Variants in HCN1 observed in about 807,000 individuals in gnomAD.
HCN1 encodes potassium/sodium hyperpolarization-activated cyclic nucleotide-gated channel 1.
In HCN1, 13 loss-of-function variants were observed where a neutral mutation model predicts 78.9. The ratio of observed to expected loss-of-function variants is 0.16; its 90% CI spans 0.11 to 0.26. The LOEUF is 0.26. Among genes scored for constraint, HCN1 ranks in the 10% least tolerant of loss-of-function variants. The pLI is 1.00. For synonymous variants in HCN1, 552 were observed against 455.5 expected (o/e 1.21, Z -2.70); for missense variants, 810 against 1,154.3 (o/e 0.70, Z 4.32).
At chr5:45,464,036 T>C (rs1387417362) in intron 2 of HCN1, among the ~76,000 whole-genome samples, 1 of 152,112 alleles carries the variant, frequency 6.6e-6, no homozygotes, top group Non-Finnish European at 1.5e-5. Flanking sequence ...GAGTATGGAA[T>C]GGTCTAGAGA....
chr5:45,443,596 A>G (rs1054410983), intron 3 of HCN1, among the ~76,000 whole-genome samples: 102 of 152,228 alleles, frequency 6.7e-4, no homozygotes, highest in Admixed American at 1.8e-3. Flanking sequence ...TTAATTTTCC[A>G]TAAGTTTTTT....
intron 2 of HCN1, among the ~76,000 whole-genome samples, chr5:45,485,583 T>C (rs1173069379): frequency 6.6e-6 from 1 of 152,200 alleles, no homozygotes; most frequent in Non-Finnish European, 1.5e-5. Context: ...TCATGGCTTA[T>C]AATTTATACT....
intron 2 of HCN1, among the ~76,000 whole-genome samples, chr5:45,599,936 C>T (rs1483322551): frequency 6.6e-6 from 1 of 151,950 alleles, no homozygotes; most frequent in African/African-American, 2.4e-5. Flanking sequence ...CAAGACCACA[C>T]AGAGACAACA....
At chr5:45,643,215 CT>C (rs1580013921) in intron 2 of HCN1, 1 of 152,022 alleles carries the variant, frequency 6.6e-6, no homozygotes, top group Non-Finnish European at 1.5e-5. Context: ...AAGGAGTATA[CT>C]CTTATATGAC....
chr5:45,632,423 G>A (rs1171117158), intron 2 of HCN1, among the ~76,000 whole-genome samples: 1 of 151,888 alleles, frequency 6.6e-6, no homozygotes, highest in Non-Finnish European at 1.5e-5. Context: ...CAAAAGAGGA[G>A]GATGAGGAAA....
intron 5 of HCN1, among the ~76,000 whole-genome samples, chr5:45,321,277 T>C (rs1746120326): frequency 6.6e-6 from 1 of 151,918 alleles, no homozygotes; most frequent in South Asian, 2.1e-4. Context: ...GTAGTTCGCA[T>C]ATTATATCTC....
intron 1 of HCN1, among the ~76,000 whole-genome samples, chr5:45,653,948 C>A (rs912414094): frequency 6.6e-6 from 1 of 151,942 alleles, no homozygotes; most frequent in Non-Finnish European, 1.5e-5. Context: ...TAAATATAAT[C>A]ATTTGTTCTT....
chr5:45,616,760 T>C (rs984124178), intron 2 of HCN1, among the ~76,000 whole-genome samples: 2 of 152,036 alleles, frequency 1.3e-5, no homozygotes, highest in African/African-American at 4.8e-5. Flanking sequence ...ATATGTGTGA[T>C]ACATCCAAAT....
rs554746368 is a variant in HCN1, at chr5:45,413,057, C to T, written c.1012-16347G>A. ...CAAAGGGTTCTTTTTATTCTCTAAT[C>T]GATTATGGTGAAGTGACATGCTAGA... On this transcript the variant is annotated intron_variant, in intron 3 of 7. Coordinates refer to ENST00000303230, the MANE Select transcript of HCN1 (RefSeq NM_021072.4). Among the ~76,000 whole-genome samples the T allele has an allele frequency of 3.3e-5, 5 of 151,930 alleles. No individual in the cohort carries two copies. The South Asian group carries it at 1.0e-3, about 32-fold the overall frequency.
At chr5:45,471,249 AATGG>A (rs764529834) in intron 2 of HCN1, among the ~76,000 whole-genome samples, 78 of 151,912 alleles carry the variant, frequency 5.1e-4, no homozygotes, top group Non-Finnish European at 9.7e-4. Flanking sequence ...GGAGGCAAGA[AATGG>A]ATGATGATTC....
At chr5:45,615,518 A>G (rs1744926825) in intron 2 of HCN1, among the ~76,000 whole-genome samples, 1 of 152,006 alleles carries the variant, frequency 6.6e-6, no homozygotes, top group Non-Finnish European at 1.5e-5. Flanking sequence ...TAATTGCAAG[A>G]CTACAGAATA....
At chr5:45,313,457 C>G (rs943264737) in intron 5 of HCN1, among the ~76,000 whole-genome samples, 32 of 152,306 alleles carry the variant, frequency 2.1e-4, no homozygotes, top group African/African-American at 7.0e-4. Flanking sequence ...AAAATCAGAG[C>G]ACCTCTCCTC....
Position 45,262,319 on chromosome 5 carries a change from C to T in HCN1, c.2275G>A (p.Gly759Ser). The T allele has an allele frequency of 6.2e-7, 1 of 1,613,830 alleles. No homozygotes were observed. The highest frequency in any genetic ancestry group is 8.5e-7 in the Non-Finnish European group (1 of 1,180,012). ...QQPSPQPQTP[G>S]SSTPKNEVHK... Reference sequence around the variant, plus strand: ...ACTTCATTTTTCGGCGTGGAGCTGCCAGGTGTCTGTGGCTGCGGGGACGGC... The same window carrying T: ...ACTTCATTTTTCGGCGTGGAGCTGCTAGGTGTCTGTGGCTGCGGGGACGGC... The change falls in exon 8 of 8, where the codon GGC (glycine) becomes AGC (serine). Residue 759 changes from glycine to serine, a missense_variant. By Grantham distance (56) the Gly-to-Ser change is moderately conservative (BLOSUM62 0). Transcript: ENST00000303230.
At chr5:45,497,604 G>A (rs111550280) in intron 2 of HCN1, among the ~76,000 whole-genome samples, 213 of 152,192 alleles carry the variant, frequency 1.4e-3, no homozygotes, top group African/African-American at 4.6e-3. Flanking sequence ...GTCTCTGCAC[G>A]TGAGATGGGT....
chr5:45,421,353 C>T lies in HCN1; in HGVS notation c.1012-24643G>A, dbSNP rs546314248. ...CTGGGATTACAGGCGTGAGCCACCACGCCCGGCCAGCAGCATGGTTTTTAA... is the reference window on the plus strand; with the variant it reads ...CTGGGATTACAGGCGTGAGCCACCATGCCCGGCCAGCAGCATGGTTTTTAA... On this transcript the variant is annotated intron_variant, in intron 3 of 7. Transcript: ENST00000303230. 7.2e-5 allele frequency among the ~76,000 whole-genome samples: 11 copies of T among 152,242 alleles called. No individual in the cohort carries two copies. In the South Asian group the frequency reaches 2.1e-3, roughly 29 times the overall value.
At chr5:45,365,604 T>C (rs1747218575) in intron 4 of HCN1, among the ~76,000 whole-genome samples, 1 of 151,920 alleles carries the variant, frequency 6.6e-6, no homozygotes, top group East Asian at 1.9e-4. Flanking sequence ...TGGATACTTA[T>C]GTTGGTTCCA....
At chr5:45,281,294 G>A (rs1009528277) in intron 6 of HCN1, among the ~76,000 whole-genome samples, 1 of 151,828 alleles carries the variant, frequency 6.6e-6, no homozygotes, top group African/African-American at 2.4e-5. Flanking sequence ...TTGTTTAAAC[G>A]TGTGTATTAC....
chr5:45,647,105 A>C (rs1580015990), intron 1 of HCN1, among the ~76,000 whole-genome samples: 1 of 152,310 alleles, frequency 6.6e-6, no homozygotes, highest in Admixed American at 6.5e-5. Context: ...CCCTGTCTCC[A>C]GCCTCAGGAT....
chr5:45,263,028 G>A (rs910124392), intron 7 of HCN1, among the ~76,000 whole-genome samples: 4 of 152,112 alleles, frequency 2.6e-5, no homozygotes, highest in African/African-American at 7.2e-5. Flanking sequence ...CAAGTTGAAC[G>A]GCCTGTAATA....
Sources: allele counts gnomAD v4.1 joint callset (sites outside exome capture counted in the v4.1 genomes callset), GRCh38; gene constraint gnomAD v4.1.1; transcripts MANE v1.5; gene names NCBI Gene and HGNC (gene_info 2026-07-23, HGNC 2026-07-21).